Variants in SGCD observed in about 807,000 individuals in gnomAD.
SGCD encodes the protein delta-sarcoglycan.
Under a neutral mutation model 36.6 loss-of-function variants are expected in SGCD, and 18 were observed. The observed-to-expected ratio is 0.49, with a 90% CI of 0.34 to 0.73. The LOEUF (loss-of-function observed/expected upper bound fraction) is 0.73, where lower values mean the gene tolerates loss of function less well. Among genes scored for constraint, SGCD ranks in the 30% least tolerant of loss-of-function variants. The pLI, the probability that SGCD is intolerant of heterozygous loss-of-function variation, is 0.01. For missense variants in SGCD, 387 were observed against 346.7 expected, an observed-to-expected ratio of 1.12 and a Z score of -0.92; for synonymous variants, 133 against 130.6, an observed-to-expected ratio of 1.02 and a Z score of -0.12.
At chr5:156,316,254 A>C (rs1767516102) in intron 3 of SGCD, among the ~76,000 whole-genome samples, 1 of 151,968 alleles carries the variant, frequency 6.6e-6, no homozygotes, top group African/African-American at 2.4e-5. Flanking sequence ...TTTAACCAAG[A>C]AAGTGCAATA....
chr5:155,868,805 GA>G (rs1317413901), upstream of SGCD, among the ~76,000 whole-genome samples: 2 of 152,134 alleles, frequency 1.3e-5, no homozygotes, highest in Non-Finnish European at 2.9e-5. Context: ...TTGGTTTGAT[GA>G]GTGGTGAATA....
chr5:156,421,008 GTCTT>G (rs59771598), intron 3 of SGCD, among the ~76,000 whole-genome samples: 2,445 of 152,046 alleles, frequency 0.016, 72 homozygotes, highest in African/African-American at 0.057. Flanking sequence ...GTTTTCCAGT[GTCTT>G]TCTTTCAACT....
intron 1 of SGCD, among the ~76,000 whole-genome samples, chr5:155,964,779 C>T (rs1272076312): frequency 6.6e-6 from 1 of 152,114 alleles, no homozygotes; most frequent in African/African-American, 2.4e-5. Flanking sequence ...CAGGCAATTA[C>T]CCTACATTGT....
intron 7 of SGCD, among the ~76,000 whole-genome samples, chr5:156,696,915 AACACACACACACACACACACACACAC>A (rs57963416): frequency 4.8e-5 from 7 of 145,058 alleles, no homozygotes; most frequent in East Asian, 2.0e-4. Flanking sequence ...CCTTACACAC[AACACACACACACACACACACACACAC>A]ACACACACAC....
intron 3 of SGCD, among the ~76,000 whole-genome samples, chr5:156,500,640 AT>A (rs1208194214): frequency 2.0e-5 from 3 of 152,200 alleles, no homozygotes; most frequent in African/African-American, 7.2e-5. Context: ...CTATCAAAAT[AT>A]CAAAAATTGC....
intron 4 of SGCD, among the ~76,000 whole-genome samples, chr5:156,571,874 A>G (rs967745194): frequency 3.9e-5 from 6 of 152,044 alleles, no homozygotes; most frequent in Admixed American, 1.3e-4. Context: ...GCTTTTTATT[A>G]CCCCAAACAG....
intron 7 of SGCD, among the ~76,000 whole-genome samples, chr5:156,753,781 G>T (rs1757239561): frequency 6.6e-6 from 1 of 152,076 alleles, no homozygotes; most frequent in Admixed American, 6.5e-5. Context: ...ACAGCATGGG[G>T]GTAACCACCC....
chr5:156,517,486 A>G (rs1757225787), intron 4 of SGCD, among the ~76,000 whole-genome samples: 1 of 152,168 alleles, frequency 6.6e-6, no homozygotes, highest in Non-Finnish European at 1.5e-5. Context: ...CAGGAAATCC[A>G]GAGAACCCCA....
intron 7 of SGCD, among the ~76,000 whole-genome samples, chr5:156,650,712 C>T (rs909131657): frequency 3.9e-5 from 6 of 152,050 alleles, no homozygotes; most frequent in Middle Eastern, 3.4e-3. Flanking sequence ...ATATATGTAC[C>T]ACATTTTCTT....
intron 3 of SGCD, among the ~76,000 whole-genome samples, chr5:156,432,625 G>A (rs1753072501): frequency 6.6e-6 from 1 of 152,150 alleles, no homozygotes; most frequent in Non-Finnish European, 1.5e-5. Flanking sequence ...CTCTCTCCTT[G>A]GGCAGGGTGT....
chr5:155,899,921 A>G (rs1001947564), intron 1 of SGCD, among the ~76,000 whole-genome samples: 6 of 152,220 alleles, frequency 3.9e-5, no homozygotes, highest in Non-Finnish European at 8.8e-5. Flanking sequence ...TCCTAATGAG[A>G]AAACACATAT....
the SGCD span, among the ~76,000 whole-genome samples, chr5:155,812,624 T>G: frequency 6.6e-6 from 1 of 152,210 alleles, no homozygotes; most frequent in Non-Finnish European, 1.5e-5. Context: ...CTATTTGAAA[T>G]ATTGCAAGTT....
chr5:156,004,972 C>T (rs1229482732), intron 1 of SGCD, among the ~76,000 whole-genome samples: 1 of 152,128 alleles, frequency 6.6e-6, no homozygotes, highest in Non-Finnish European at 1.5e-5. Flanking sequence ...GAGTTCGGGG[C>T]ACCACAGCTT....
At chr5:155,754,365 G>T in the SGCD span, among the ~76,000 whole-genome samples, 1 of 152,220 alleles carries the variant, frequency 6.6e-6, no homozygotes, top group African/African-American at 2.4e-5. Context: ...CAGACAGTGA[G>T]CAGGCAGGCC....
intron 3 of SGCD, among the ~76,000 whole-genome samples, chr5:156,426,452 A>G (rs1485514224): frequency 6.6e-6 from 1 of 152,048 alleles, no homozygotes; most frequent in Non-Finnish European, 1.5e-5. Context: ...AGTTCCTTAT[A>G]GATTCTGAAT....
chr5:156,329,774 T>C (rs532867586), intron 2 of SGCD, among the ~76,000 whole-genome samples, 195 bp downstream of exon 2: 107 of 152,158 alleles, frequency 7.0e-4, no homozygotes, highest in African/African-American at 2.5e-3. Context: ...TCCCAGCACT[T>C]TGGGAGGCCG....
At chr5:156,339,699 C>T (rs1048461814) in intron 2 of SGCD, among the ~76,000 whole-genome samples, 3 of 151,760 alleles carry the variant, frequency 2.0e-5, no homozygotes, top group African/African-American at 4.8e-5. Context: ...AAAGTACATA[C>T]CATAACTTAA....
At chr5:156,630,774 G>A (rs901391353) in intron 6 of SGCD, among the ~76,000 whole-genome samples, 4 of 152,112 alleles carry the variant, frequency 2.6e-5, no homozygotes, top group African/African-American at 9.7e-5. Flanking sequence ...AAACAGTGCT[G>A]GATAGTAAGA....
intron 3 of SGCD, among the ~76,000 whole-genome samples, chr5:156,200,776 C>CAT (rs1764128551): frequency 6.6e-6 from 1 of 152,132 alleles, no homozygotes; most frequent in Non-Finnish European, 1.5e-5. Flanking sequence ...ATCTCAAAGA[C>CAT]ATATTCACAC....
Sources: gnomAD v4.1 joint callset for allele counts (sites outside exome capture counted in the v4.1 genomes callset) on GRCh38, gnomAD v4.1.1 for gene constraint, MANE v1.5 for transcripts, NCBI Gene and HGNC (gene_info 2026-07-23, HGNC 2026-07-21) for gene names.